CERK: variants seen among roughly 807,000 people sequenced by gnomAD.
CERK encodes acylsphingosine kinase.
In CERK, 39 loss-of-function variants were observed where a neutral mutation model predicts 63.4. That is an observed-to-expected ratio of 0.61 (90% CI 0.48 to 0.80). CERK has a LOEUF of 0.80. CERK is among the 30% of genes least tolerant of loss of function. The pLI is 0.00. For missense variants in CERK, 670 were observed against 714.1 expected, an observed-to-expected ratio of 0.94 and a Z score of 0.70; for synonymous variants, 302 against 280.0, an observed-to-expected ratio of 1.08 and a Z score of -0.78.
At chr22:46,737,490 G>A (rs2082980657) in intron 1 of CERK, among the ~76,000 whole-genome samples, 1 of 152,180 alleles carries the variant, frequency 6.6e-6, no homozygotes, top group African/African-American at 2.4e-5. Flanking sequence ...TCCCGAGCAG[G>A]GAGCACACCC....
chr22:46,710,157 G>A (rs771120440), intron 5 of CERK, among the ~76,000 whole-genome samples: 4 of 152,276 alleles, frequency 2.6e-5, no homozygotes, highest in Middle Eastern at 3.4e-3. Context: ...GGCCGGGCGC[G>A]GTGGCTCATG....
At chr22:46,728,160 A>G (rs2082928912) in intron 1 of CERK, among the ~76,000 whole-genome samples, 1 of 152,104 alleles carries the variant, frequency 6.6e-6, no homozygotes, top group African/African-American at 2.4e-5. Context: ...ATCTCAACAC[A>G]GAACACCCGC....
intron 7 of CERK, among the ~76,000 whole-genome samples, chr22:46,699,725 A>G (rs1229132449): frequency 1.3e-5 from 2 of 152,222 alleles, no homozygotes; most frequent in Admixed American, 6.5e-5. Context: ...TGTATCCGTG[A>G]GGCTCATGAA....
chr22:46,692,255 A>C (rs135672), intron 10 of CERK, among the ~76,000 whole-genome samples: 3 of 151,396 alleles, frequency 2.0e-5, no homozygotes, highest in African/African-American at 7.3e-5. Flanking sequence ...GGTGAAAACC[A>C]TCTCTACTAA....
chr22:46,701,463 G>T (rs913912807), intron 7 of CERK, among the ~76,000 whole-genome samples, 173 bp downstream of exon 7: 1 of 152,276 alleles, frequency 6.6e-6, no homozygotes, highest in Non-Finnish European at 1.5e-5. Flanking sequence ...TGGCCTCGGA[G>T]CTGCGTGCTG....
intron 4 of CERK, 110 bp downstream of exon 4, chr22:46,712,058 G>C (rs944808763): frequency 1.6e-6 from 2 of 1,261,394 alleles, no homozygotes; most frequent in Admixed American, 4.0e-5. Flanking sequence ...CTGCACTCCA[G>C]CCTGGGCAAC....
At chr22:46,721,386 G>A (rs934802395) in intron 1 of CERK, among the ~76,000 whole-genome samples, 25 of 152,108 alleles carry the variant, frequency 1.6e-4, no homozygotes, top group African/African-American at 6.0e-4. Context: ...TCTGCCTCCC[G>A]GGTTCGCGCC....
intron 1 of CERK, among the ~76,000 whole-genome samples, chr22:46,733,817 A>G (rs1317150957): frequency 6.6e-6 from 1 of 151,524 alleles, no homozygotes; most frequent in Non-Finnish European, 1.5e-5. Context: ...CGAGGCAGGC[A>G]GATCATCTGA....
intron 1 of CERK, among the ~76,000 whole-genome samples, chr22:46,726,714 G>C (rs1231989591): frequency 6.6e-6 from 1 of 152,142 alleles, no homozygotes; most frequent in Non-Finnish European, 1.5e-5. Context: ...ACCACTGCCA[G>C]GGAGAGTCCA....
chr22:46,712,181 G>A lies in CERK; in HGVS notation c.492C>T (p.Thr164=). 6.2e-7 allele frequency: 1 copy of A among 1,614,132 alleles called. No homozygotes were observed. Among genetic ancestry groups the A allele is most frequent in the South Asian group, 1.1e-5 (1 of 91,070 alleles). The change falls in exon 4 of 13, where the codon ACC becomes ACT. Residue 164 remains threonine (T), a synonymous_variant. Transcript: ENST00000216264. The part of the protein sequence containing the change: ...VAPLFTLASI[T]TDIIVTEHAN... The stretch of plus-strand genomic sequence containing the variant: ...AGAATTTGTTACCGATGATGTCAGT[G>A]GTGATGGAGGCTAAGGTGAACAGTG...
chr22:46,693,826 G>C, intron 9 of CERK: 1 of 364,958 alleles, frequency 2.7e-6, no homozygotes, highest in Non-Finnish European at 5.2e-6. Context: ...TGAGGCACTG[G>C]TTCCCCCAGC....
chr22:46,714,042 G>A lies in CERK; in HGVS notation c.380-1749C>T, dbSNP rs2082855976. ...TCCCAACACTTTGGGAGGCCGAGGT[G>A]GGCAGATCACTTGAGGTCAGGTGTT... On this transcript the variant is annotated intron_variant, in intron 3 of 12. Coordinates refer to ENST00000216264, the MANE Select transcript of CERK (RefSeq NM_022766.6). This position sits in a 1 kb window ranked among gnomAD's most constrained non-coding sequence, Gnocchi z 4.4. Among the ~76,000 whole-genome samples the A allele has an allele frequency of 6.6e-6, 1 of 152,166 alleles. No homozygotes were observed. Among genetic ancestry groups the A allele is most frequent in the Non-Finnish European group, 1.5e-5 (1 of 68,030 alleles).
At chr22:46,722,704 T>C (rs12166029) in intron 1 of CERK, among the ~76,000 whole-genome samples, 13,683 of 152,012 alleles carry the variant, frequency 0.09, 955 homozygotes, top group African/African-American at 0.21. Context: ...GATTACAGGT[T>C]CCCACCACCA....
intron 1 of CERK, among the ~76,000 whole-genome samples, chr22:46,732,224 T>C (rs938497596): frequency 6.6e-6 from 1 of 152,160 alleles, no homozygotes; most frequent in Non-Finnish European, 1.5e-5. Flanking sequence ...GGAGCTTGTA[T>C]GCGGGTGACA....
intron 1 of CERK, among the ~76,000 whole-genome samples, chr22:46,730,824 T>C (rs905092707): frequency 1.3e-5 from 2 of 152,218 alleles, no homozygotes; most frequent in South Asian, 4.1e-4. Flanking sequence ...CTCGTCTATC[T>C]TGGATTTGGA....
intron 1 of CERK, among the ~76,000 whole-genome samples, chr22:46,736,408 T>C (rs185232012): frequency 7.9e-5 from 12 of 152,312 alleles, no homozygotes; most frequent in Non-Finnish European, 7.4e-5. Context: ...ATTGGGCCAG[T>C]CACTTCCAGC....
At chr22:46,695,058 G>A (rs754197285) in intron 9 of CERK, 152 bp downstream of exon 9, 42 of 580,932 alleles carry the variant, frequency 7.2e-5, no homozygotes, top group Non-Finnish European at 9.9e-5. Context: ...GCACGCCTAG[G>A]CCATCATGGG....
chr22:46,737,904 C>A, intron 1 of CERK, 103 bp downstream of exon 1: 1 of 868,714 alleles, frequency 1.2e-6, no homozygotes, highest in East Asian at 5.0e-5. Context: ...CCGGCCTTAC[C>A]ACAGCCGCTC....
At chr22:46,728,760 A>C (rs902798651) in intron 1 of CERK, among the ~76,000 whole-genome samples, 7 of 152,262 alleles carry the variant, frequency 4.6e-5, no homozygotes, top group African/African-American at 9.6e-5. Context: ...GTGCAGAGTC[A>C]GCAGCTGGGA....
Sources: allele counts gnomAD v4.1 joint callset (sites outside exome capture counted in the v4.1 genomes callset), GRCh38; gene constraint gnomAD v4.1.1; non-coding constraint Gnocchi (gnomAD v3.1); transcripts MANE v1.5; gene names NCBI Gene and HGNC (gene_info 2026-07-23, HGNC 2026-07-21).